MAPK8: variants seen among roughly 807,000 people sequenced by gnomAD.
MAPK8 encodes the protein mitogen-activated protein kinase 8.
Under a neutral mutation model 52.9 loss-of-function variants are expected in MAPK8, and 13 were observed. That is an observed-to-expected ratio of 0.25 (90% confidence interval 0.16 to 0.39). The LOEUF (loss-of-function observed/expected upper bound fraction) is 0.39, where lower values mean the gene tolerates loss of function less well. Among genes scored for constraint, MAPK8 ranks in the 10% least tolerant of loss-of-function variants. The pLI is 1.00. For synonymous variants in MAPK8, 191 were observed against 169.8 expected (o/e 1.12, Z -0.97); for missense variants, 300 against 519.2 (o/e 0.58, Z 4.10).
chr10:48,335,793 A>T (rs940040182), intron 1 of MAPK8, among the ~76,000 whole-genome samples: 1 of 152,198 alleles, frequency 6.6e-6, no homozygotes, highest in African/African-American at 2.4e-5. Flanking sequence ...GATAATGTGG[A>T]TATTCCTCTT....
rs1302993087 is a variant in MAPK8, at chr10:48,349,790, T to C, written c.-50+42969T>C. 4.0e-5 allele frequency among the ~76,000 whole-genome samples: 6 copies of C among 151,876 alleles called. No homozygotes were observed. The East Asian group carries it at 1.2e-3, about 29-fold the overall frequency. ...AAGATCAGAGCAGAACTGAAGGAGA[T>C]ACAGACACGGAAAACCCCTCAAAAA... is the stretch of plus-strand genomic sequence containing the variant. On this transcript the variant is annotated intron_variant, in intron 1 of 11. Transcript: ENST00000374189.
At chr10:48,325,022 C>T (rs1485221584) in intron 1 of MAPK8, among the ~76,000 whole-genome samples, 1 of 151,748 alleles carries the variant, frequency 6.6e-6, no homozygotes, top group East Asian at 1.9e-4. Flanking sequence ...GTCACCCAGG[C>T]TGGAGTGCAG....
chr10:48,326,428 C>A (rs1452458468), intron 1 of MAPK8, among the ~76,000 whole-genome samples: 1 of 152,134 alleles, frequency 6.6e-6, no homozygotes, highest in Non-Finnish European at 1.5e-5. Context: ...CTGCAGGATA[C>A]TCCCAGCTCA....
At chr10:48,406,256 C>G (rs1207185072) in intron 3 of MAPK8, among the ~76,000 whole-genome samples, 1 of 152,174 alleles carries the variant, frequency 6.6e-6, no homozygotes, top group African/African-American at 2.4e-5. Flanking sequence ...ATTCTTGTTC[C>G]AAGCGGGAAC....
intron 1 of MAPK8, among the ~76,000 whole-genome samples, chr10:48,373,015 C>G (rs1370039969): frequency 6.6e-6 from 1 of 152,116 alleles, no homozygotes; most frequent in Non-Finnish European, 1.5e-5. Context: ...AAGGGAAGCC[C>G]ATCAGACTAA....
At chr10:48,329,569 G>A (rs1488594297) in intron 1 of MAPK8, among the ~76,000 whole-genome samples, 1 of 152,010 alleles carries the variant, frequency 6.6e-6, no homozygotes, top group Non-Finnish European at 1.5e-5. Flanking sequence ...AGTGTAGTCA[G>A]TGATGATATA....
In MAPK8 at chr10:48,437,883, G is replaced by A. The variant is rs929015627; in HGVS notation, c.*2854G>A. 1.3e-5 allele frequency: 2 copies of A among 152,236 alleles called. No individual in the cohort carries two copies. The highest frequency in any genetic ancestry group is 2.4e-5 in the African/African-American group (1 of 41,454). 9.4% of individuals were successfully genotyped at this position (152,236 alleles called of 1,614,324 possible). A position where few individuals can be genotyped will look rare whatever the true frequency, so the allele number is the denominator to read the frequency against. On this transcript the variant is annotated 3_prime_UTR_variant, in exon 12 of 12. Coordinates refer to ENST00000374189, the MANE Select transcript of MAPK8 (RefSeq NM_001323329.2). Reference sequence around the variant, plus strand: ...ATCCTGCCAGCCTTGTCATTGTTCTGTTCTATGCTAATCCTGCTGTGTTGT... The same window carrying A: ...ATCCTGCCAGCCTTGTCATTGTTCTATTCTATGCTAATCCTGCTGTGTTGT...
chr10:48,388,535 G>A (rs1310765468), intron 1 of MAPK8, among the ~76,000 whole-genome samples: 1 of 151,992 alleles, frequency 6.6e-6, no homozygotes, highest in East Asian at 1.9e-4. Flanking sequence ...GGATAAAAAT[G>A]GGACAGTTAA....
chr10:48,346,640 C>T (rs559633856), intron 1 of MAPK8, among the ~76,000 whole-genome samples: 27 of 152,246 alleles, frequency 1.8e-4, no homozygotes, highest in African/African-American at 5.8e-4. Flanking sequence ...CAGGCTCTCC[C>T]ACAGTTATCC....
At chr10:48,328,164 A>G (rs1412374108) in intron 1 of MAPK8, among the ~76,000 whole-genome samples, 3 of 152,058 alleles carry the variant, frequency 2.0e-5, no homozygotes, top group African/African-American at 7.2e-5. Flanking sequence ...TTACAGGTAC[A>G]TGCCGCCATG....
At chr10:48,369,032 C>CA (rs1270874217) in intron 1 of MAPK8, among the ~76,000 whole-genome samples, 5 of 152,108 alleles carry the variant, frequency 3.3e-5, no homozygotes, top group African/African-American at 1.2e-4. Flanking sequence ...GCTAAGAGGG[C>CA]AGGGTCATGT....
At chr10:48,433,688 T>C (rs77158219) in intron 11 of MAPK8, among the ~76,000 whole-genome samples, 3,428 of 152,302 alleles carry the variant, frequency 0.023, 140 homozygotes, top group African/African-American at 0.078. Context: ...CTACACTGCC[T>C]ATTTTCTTTT....
chr10:48,384,077 T>A (rs1417785921), intron 1 of MAPK8, among the ~76,000 whole-genome samples: 2 of 151,926 alleles, frequency 1.3e-5, no homozygotes, highest in Non-Finnish European at 2.9e-5. Flanking sequence ...CATGATGAGA[T>A]CCCGTCTCTA....
chr10:48,379,662 C>G lies in MAPK8; in HGVS notation c.-49-21950C>G, dbSNP rs943782263. ...TGAGAAGAATCAACAATGTTTCAAA[C>G]AAAAAGTGATTAAAAAATCATTTCA... is the stretch of plus-strand genomic sequence containing the variant. On this transcript the variant is annotated intron_variant, in intron 1 of 11. Coordinates refer to ENST00000374189, the MANE Select transcript of MAPK8 (RefSeq NM_001323329.2). 3.3e-5 allele frequency among the ~76,000 whole-genome samples: 5 copies of G among 152,158 alleles called. 1 individual carries two copies. In the South Asian group the frequency reaches 1.0e-3, roughly 32 times the overall value.
At chr10:48,394,230 C>T (rs909948968) in intron 1 of MAPK8, among the ~76,000 whole-genome samples, 1 of 151,906 alleles carries the variant, frequency 6.6e-6, no homozygotes, top group Admixed American at 6.6e-5. Flanking sequence ...CATTTCCATA[C>T]ACTCTTTCTG....
At chr10:48,333,770 G>A (rs1844380015) in intron 1 of MAPK8, among the ~76,000 whole-genome samples, 1 of 152,284 alleles carries the variant, frequency 6.6e-6, no homozygotes, top group Non-Finnish European at 1.5e-5. Context: ...GCCCCAGGCT[G>A]TGGATGCCTC....
At chr10:48,393,292 C>T (rs1057215629) in intron 1 of MAPK8, among the ~76,000 whole-genome samples, 1 of 152,054 alleles carries the variant, frequency 6.6e-6, no homozygotes, top group Non-Finnish European at 1.5e-5. Context: ...TTATCTCAGA[C>T]TCAACAGGTT....
At chr10:48,368,691 T>C (rs1459638319) in intron 1 of MAPK8, among the ~76,000 whole-genome samples, 1 of 152,210 alleles carries the variant, frequency 6.6e-6, no homozygotes, top group Non-Finnish European at 1.5e-5. Flanking sequence ...AAGAATTATT[T>C]TAGCTAAGAA....
chr10:48,380,905 C>T (rs745840356), intron 1 of MAPK8, among the ~76,000 whole-genome samples: 2 of 152,072 alleles, frequency 1.3e-5, no homozygotes, highest in African/African-American at 2.4e-5. Flanking sequence ...GCAGGAGACT[C>T]CATCAAAGAG....
Sources: allele counts gnomAD v4.1 joint callset (sites outside exome capture counted in the v4.1 genomes callset), GRCh38; gene constraint gnomAD v4.1.1; transcripts MANE v1.5; gene names NCBI Gene and HGNC (gene_info 2026-07-23, HGNC 2026-07-21).